SPAG16: variants seen among roughly 807,000 people sequenced by gnomAD.
SPAG16 encodes the protein sperm-associated antigen 16 protein.
In SPAG16, 86 loss-of-function variants were observed where a neutral mutation model predicts 80.4. That is an observed-to-expected ratio of 1.07 (90% confidence interval 0.90 to 1.28). The LOEUF is 1.28. Ranked by LOEUF, SPAG16 falls within the 50% of genes most tolerant of loss-of-function variation. The pLI is 0.00. For synonymous variants in SPAG16, 294 were observed against 265.9 expected, an observed-to-expected ratio of 1.11 and a Z score of -1.03; for missense variants, 870 against 765.3, an observed-to-expected ratio of 1.14 and a Z score of -1.61.
intron 11 of SPAG16, among the ~76,000 whole-genome samples, chr2:213,865,195 T>C (rs2105960630): frequency 6.6e-6 from 1 of 152,162 alleles, no homozygotes; most frequent in South Asian, 2.1e-4. Flanking sequence ...AGTTCATTTA[T>C]GGTTCAATTT....
rs1269969592 is a variant in SPAG16 at position 213,859,208 on chromosome 2, AAAAAAAAAC to A, written c.1071-3276_1071-3268del. On this transcript the variant is annotated intron_variant, in intron 10 of 15. Coordinates refer to ENST00000331683, the MANE Select transcript of SPAG16 (RefSeq NM_024532.5). ...AAAAAAAAAAAAAAAAAAAAAAAAA[AAAAAAAAAC>A]TCAATGTCCTCTGACAACTTGATGT... 1.6e-3 allele frequency among the ~76,000 whole-genome samples: 190 copies of A among 115,844 alleles called. 39 individuals carry two copies. Among genetic ancestry groups the A allele is most frequent in the Admixed American group, 0.011 (123 of 10,704 alleles). The allele number at this position is 115,844 out of a possible 152,430, so 76.0% of individuals were successfully genotyped here.
At chr2:213,736,127 C>T (rs1446845583) in intron 10 of SPAG16, among the ~76,000 whole-genome samples, 1 of 152,088 alleles carries the variant, frequency 6.6e-6, no homozygotes, top group Non-Finnish European at 1.5e-5. Flanking sequence ...TAATTAGTTA[C>T]TTTTGCTTTT....
At chr2:214,121,773 C>G (rs2054232157) in intron 14 of SPAG16, among the ~76,000 whole-genome samples, 1 of 151,838 alleles carries the variant, frequency 6.6e-6, no homozygotes, top group African/African-American at 2.4e-5. Flanking sequence ...TGTACACAAA[C>G]TTTGTTTCAT....
chr2:214,176,997 TG>T (rs1287206673), intron 15 of SPAG16, among the ~76,000 whole-genome samples: 1 of 151,184 alleles, frequency 6.6e-6, no homozygotes, highest in Admixed American at 6.6e-5. Context: ...CAGTTATAAT[TG>T]GGGAAAAACC....
intron 12 of SPAG16, among the ~76,000 whole-genome samples, chr2:213,987,433 T>C (rs1010752145): frequency 1.3e-5 from 2 of 152,090 alleles, no homozygotes. Context: ...GCTTTCAATC[T>C]CAGACTGATT....
intron 10 of SPAG16, among the ~76,000 whole-genome samples, chr2:213,739,851 C>G (rs943446855): frequency 6.6e-6 from 1 of 152,188 alleles, no homozygotes; most frequent in African/African-American, 2.4e-5. Context: ...ATCTGCCTGC[C>G]TCGACCTCCC....
intron 12 of SPAG16, among the ~76,000 whole-genome samples, chr2:213,952,229 T>C (rs1216879276): frequency 6.6e-6 from 1 of 151,882 alleles, no homozygotes; most frequent in Non-Finnish European, 1.5e-5. Context: ...AAAATTGAAA[T>C]AGTGATATGG....
intron 9 of SPAG16, among the ~76,000 whole-genome samples, chr2:213,470,505 A>G (rs2073019117): frequency 6.6e-6 from 1 of 152,198 alleles, no homozygotes; most frequent in African/African-American, 2.4e-5. Flanking sequence ...GAGGTTCAGT[A>G]TAATCAACCT....
chr2:214,195,419 T>G (rs1391654555), intron 15 of SPAG16, among the ~76,000 whole-genome samples: 1 of 151,956 alleles, frequency 6.6e-6, no homozygotes, highest in Non-Finnish European at 1.5e-5. Flanking sequence ...CTCTAACAAC[T>G]CTAGGAAAAG....
chr2:214,157,235 GTTTCC>G (rs1162104860), intron 15 of SPAG16, among the ~76,000 whole-genome samples: 1 of 152,004 alleles, frequency 6.6e-6, no homozygotes, highest in African/African-American at 2.4e-5. Flanking sequence ...CATGAGTTGG[GTTTCC>G]TTCCTCCCAT....
chr2:214,187,753 G>A (rs1468857609), intron 15 of SPAG16, among the ~76,000 whole-genome samples: 1 of 151,210 alleles, frequency 6.6e-6, no homozygotes, highest in East Asian at 1.9e-4. Context: ...AGTTTTTCAG[G>A]TTACTCTTAT....
intron 13 of SPAG16, among the ~76,000 whole-genome samples, chr2:214,090,041 G>A (rs909559691): frequency 1.3e-5 from 2 of 151,678 alleles, no homozygotes; most frequent in African/African-American, 2.4e-5. Context: ...TTTTAATGAG[G>A]AATATATTCA....
Position 213,785,318 on chromosome 2 carries a change from A to C in SPAG16, c.1071-77167A>C, listed in dbSNP as rs377599095. 2.4e-4 allele frequency among the ~76,000 whole-genome samples: 36 copies of C among 152,322 alleles called. 1 individual carries two copies. In the East Asian group the frequency reaches 4.0e-3, roughly 17 times the overall value. The stretch of plus-strand genomic sequence containing the variant: ...TTAAAATATTATTTTATGATTTTAA[A>C]CTACTTCAACTGTGTTCTGTAGAAA... On this transcript the variant is annotated intron_variant, in intron 10 of 15. Transcript: ENST00000331683.
At chr2:213,625,387 C>T (rs1397331890) in intron 10 of SPAG16, among the ~76,000 whole-genome samples, 2 of 152,034 alleles carry the variant, frequency 1.3e-5, no homozygotes, top group African/African-American at 4.8e-5. Flanking sequence ...TTTCACATTG[C>T]ATGCCTGTAT....
chr2:214,340,166 G>T (rs184145096), intron 15 of SPAG16, among the ~76,000 whole-genome samples: 3 of 152,274 alleles, frequency 2.0e-5, no homozygotes. Flanking sequence ...TCTCTCATGG[G>T]TGTCTTCCAT....
At chr2:214,314,155 G>A (rs939190573) in intron 15 of SPAG16, among the ~76,000 whole-genome samples, 1 of 151,970 alleles carries the variant, frequency 6.6e-6, no homozygotes, top group African/African-American at 2.4e-5. Context: ...AGTTGCTTCT[G>A]GAAATAATTT....
intron 11 of SPAG16, among the ~76,000 whole-genome samples, chr2:213,894,987 C>CAAAAAAAAAAA (rs71063793): frequency 2.0e-5 from 1 of 49,288 alleles, no homozygotes; most frequent in African/African-American, 1.2e-4. Flanking sequence ...GGCTCCATCT[C>CAAAAAAAAAAA]AAAAAAAAAA....
In SPAG16 at chr2:214,397,208, T is replaced by G. The variant is rs534515381; in HGVS notation, c.1721-12932T>G. On this transcript the variant is annotated intron_variant, in intron 15 of 15. Coordinates refer to ENST00000331683, the MANE Select transcript of SPAG16 (RefSeq NM_024532.5). ...GTCTCGCTCTGTCGCCAGGCTGGAA[T>G]GCAGTGGTGCAATCTCGGCTCACTG... 4.1e-5 allele frequency among the ~76,000 whole-genome samples: 6 copies of G among 145,802 alleles called. No individual in the cohort carries two copies. In the East Asian group the frequency reaches 1.3e-3, roughly 30 times the overall value.
rs2078042106 is a variant in SPAG16 at position 213,917,895 on chromosome 2, A to G, written c.1215-12065A>G. On this transcript the variant is annotated intron_variant, in intron 11 of 15. Coordinates refer to ENST00000331683, the MANE Select transcript of SPAG16 (RefSeq NM_024532.5). ...TTCCAGCTTTTGCCCATTCAGTATG[A>G]TGTTGGTTGTGGGTTTGTCATAGAT... Among the ~76,000 whole-genome samples, 3 of 152,170 alleles carry G rather than the reference A, an allele frequency of 2.0e-5. 1 individual carries two copies. Among genetic ancestry groups the G allele is most frequent in the African/African-American group, 7.2e-5 (3 of 41,518 alleles).
Sources: allele counts gnomAD v4.1 joint callset (sites outside exome capture counted in the v4.1 genomes callset), GRCh38; gene constraint gnomAD v4.1.1; transcripts MANE v1.5; gene names NCBI Gene and HGNC (gene_info 2026-07-23, HGNC 2026-07-21).